SLC6A6: variants seen among roughly 807,000 people sequenced by gnomAD.
The protein encoded by SLC6A6 is sodium- and chloride-dependent taurine transporter.
A neutral mutation model predicts 68.8 loss-of-function variants in SLC6A6; 16 were observed. The ratio of observed to expected loss-of-function variants is 0.23; its 90% confidence interval spans 0.16 to 0.35. SLC6A6 has a LOEUF of 0.35. SLC6A6 is among the 10% of genes least tolerant of loss of function. SLC6A6 has a pLI of 1.00. For synonymous variants in SLC6A6, 312 were observed against 315.4 expected (o/e 0.99, Z 0.12); for missense variants, 474 against 802.8 (o/e 0.59, Z 4.95).
intron 7 of SLC6A6, among the ~76,000 whole-genome samples, chr3:14,467,095 G>A (rs1029686377): frequency 6.6e-6 from 1 of 152,146 alleles, no homozygotes; most frequent in African/African-American, 2.4e-5. Flanking sequence ...GGGTCCACGG[G>A]CAGATACCGA....
rs545712494 is a variant in SLC6A6 at position 14,431,221 on chromosome 3, ATCTGTCATTGCAGTTTGC to A, written c.-11-12396_-11-12379del. On this transcript the variant is annotated intron_variant, in intron 2 of 14. Coordinates refer to ENST00000622186, the MANE Select transcript of SLC6A6 (RefSeq NM_003043.6). ...TTCCCCACTGTCCACATACCCCAGC[ATCTGTCATTGCAGTTTGC>A]TCTGTCGCCCTCGTAGAGGAGCTCT... Among the ~76,000 whole-genome samples the A allele has an allele frequency of 4.9e-4, 75 of 152,314 alleles. 5 individuals carry two copies. In the South Asian group the frequency reaches 0.013, roughly 27 times the overall value.
At chr3:14,438,060 G>A (rs1463477849) in intron 2 of SLC6A6, among the ~76,000 whole-genome samples, 1 of 146,388 alleles carries the variant, frequency 6.8e-6, no homozygotes, top group Non-Finnish European at 1.5e-5. Flanking sequence ...GGCCAGGCTG[G>A]TCTTGAACTC....
intron 1 of SLC6A6, among the ~76,000 whole-genome samples, chr3:14,403,504 G>A (rs549230301): frequency 3.9e-5 from 6 of 152,234 alleles, no homozygotes; most frequent in Admixed American, 6.5e-5. Flanking sequence ...GTGCCTAGAG[G>A]GTCCAATGGC....
intron 6 of SLC6A6, among the ~76,000 whole-genome samples, chr3:14,460,637 G>A (rs183390557): frequency 6.6e-6 from 1 of 152,374 alleles, no homozygotes; most frequent in East Asian, 1.9e-4. Flanking sequence ...CAGGAGAATA[G>A]TGTCAAAGCC....
chr3:14,455,419 C>A (rs1330756197), intron 5 of SLC6A6, among the ~76,000 whole-genome samples: 2 of 152,224 alleles, frequency 1.3e-5, no homozygotes, highest in Admixed American at 1.3e-4. Context: ...TTAAGCTTCT[C>A]AGCCAGCTTG....
chr3:14,429,794 C>G (rs1357245295), intron 2 of SLC6A6, among the ~76,000 whole-genome samples: 1 of 152,158 alleles, frequency 6.6e-6, no homozygotes, highest in Admixed American at 6.5e-5. Context: ...TCCACTAGTC[C>G]CTCCTAAGAT....
chr3:14,473,801 A>G (rs1700808575), intron 10 of SLC6A6, among the ~76,000 whole-genome samples: 2 of 152,250 alleles, frequency 1.3e-5, no homozygotes, highest in Admixed American at 1.3e-4. Flanking sequence ...TGGCTTTTAT[A>G]ACTTCTTCCA....
rs1700900444 is a variant in SLC6A6, at chr3:14,477,272, A to G, written c.1277A>G (p.Tyr426Cys). ...TACCCATCCTTCCTAAGGAAGGGTTATCGTCGGGAAATCTTCATCGCCTTC... is the reference window on the plus strand; with the variant it reads ...TACCCATCCTTCCTAAGGAAGGGTTGTCGTCGGGAAATCTTCATCGCCTTC... ...DLYPSFLRKG[Y>C]RREIFIAFVC... is the part of the protein sequence containing the mutation. The change falls in exon 11 of 15, where the codon TAT becomes TGT. Residue 426 changes from tyrosine to cysteine, a missense_variant. Physicochemically the swap from Tyr to Cys is radical, Grantham distance 194. Around this residue, in one of 2 missense-constraint regions of SLC6A6, gnomAD observed 194 missense variants for 269.8 expected, o/e 0.72. Transcript: ENST00000622186. This position sits in a 1 kb window ranked among gnomAD's most constrained non-coding sequence, Gnocchi z 4.2. The G allele has an allele frequency of 6.2e-7, 1 of 1,613,658 alleles. No individual in the cohort carries two copies. The highest frequency in any genetic ancestry group is 1.3e-5 in the African/African-American group (1 of 74,932).
In SLC6A6 at chr3:14,449,086, G is replaced by A. The variant is rs114339990; in HGVS notation, c.599+1270G>A. Among the ~76,000 whole-genome samples, 1,512 of 152,354 alleles carry A rather than the reference G, an allele frequency of 9.9e-3. 25 individuals are homozygous for A. Among genetic ancestry groups the A allele is most frequent in the African/African-American group, 0.034 (1,434 of 41,588 alleles). On this transcript the variant is annotated intron_variant, in intron 5 of 14. Coordinates refer to ENST00000622186, the MANE Select transcript of SLC6A6 (RefSeq NM_003043.6). ...ACCCACCTCTTAGGAGCTGGCCCAG[G>A]AATGGGCCAGAGAAGAGGGAGCGGC... is the stretch of plus-strand genomic sequence containing the variant.
intron 4 of SLC6A6, 93 bp from the exon 5 acceptor site, chr3:14,447,489 C>T: frequency 3.3e-6 from 5 of 1,535,642 alleles, no homozygotes; most frequent in Non-Finnish European, 4.4e-6. Flanking sequence ...TGGCCTGGGG[C>T]CTGGGGATAC....
chr3:14,484,874 A>C lies in SLC6A6; in HGVS notation c.1730A>C (p.Lys577Thr), dbSNP rs769402505. Reference protein sequence around the residue: ...QTEGPFLVRVKYLLTPREPNR... With the variant: ...QTEGPFLVRVTYLLTPREPNR... The stretch of plus-strand genomic sequence containing the variant: ...CCTGTCATCCTTCTCCAGAGAGTCA[A>C]GTACCTGCTGACCCCAAGGGAACCC... The change falls in exon 15 of 15, where the codon AAG (lysine) becomes ACG (threonine). Residue 577 changes from lysine (K) to threonine (T), a missense_variant. Lys to Thr is a moderately conservative substitution (Grantham distance 78). Coordinates refer to ENST00000622186, the MANE Select transcript of SLC6A6 (RefSeq NM_003043.6). The C allele has an allele frequency of 2.5e-6, 4 of 1,611,868 alleles. No individual in the cohort carries two copies. In the African/African-American group the frequency reaches 5.3e-5, roughly 22 times the overall value.
chr3:14,407,594 C>G (rs1699139521), intron 1 of SLC6A6, among the ~76,000 whole-genome samples: 1 of 151,510 alleles, frequency 6.6e-6, no homozygotes, highest in Non-Finnish European at 1.5e-5. Context: ...GCCTCGACCT[C>G]CCCAGTCTCA....
intron 2 of SLC6A6, among the ~76,000 whole-genome samples, chr3:14,441,344 A>G (rs920117977): frequency 1.3e-5 from 2 of 151,614 alleles, no homozygotes; most frequent in Admixed American, 1.3e-4. Flanking sequence ...CCTGATAACC[A>G]TCGGGGGGCT....
intron 7 of SLC6A6, among the ~76,000 whole-genome samples, chr3:14,467,178 G>C (rs948669573): frequency 4.6e-5 from 7 of 152,212 alleles, no homozygotes; most frequent in African/African-American, 1.7e-4. Context: ...TTCTGGGTTT[G>C]TTTGAGGACC....
chr3:14,476,168 A>C (rs1700874279), intron 10 of SLC6A6, among the ~76,000 whole-genome samples: 2 of 152,172 alleles, frequency 1.3e-5, no homozygotes, highest in Admixed American at 1.3e-4. Flanking sequence ...TCCAAATTTA[A>C]AGTGCTGCTG....
intron 2 of SLC6A6, among the ~76,000 whole-genome samples, chr3:14,438,465 G>A (rs1346298761): frequency 2.0e-5 from 3 of 152,208 alleles, no homozygotes; most frequent in African/African-American, 7.2e-5. Context: ...TGCCTGCTGT[G>A]GAAAGGGCGG....
intron 2 of SLC6A6, among the ~76,000 whole-genome samples, chr3:14,432,066 CTG>C (rs1378123947): frequency 6.6e-6 from 1 of 152,164 alleles, no homozygotes; most frequent in Non-Finnish European, 1.5e-5. Context: ...AGAGTTGGGG[CTG>C]GCCCGGCTCC....
chr3:14,437,914 G>A (rs571230669), intron 2 of SLC6A6, among the ~76,000 whole-genome samples: 3 of 151,660 alleles, frequency 2.0e-5, no homozygotes, highest in South Asian at 2.1e-4. Flanking sequence ...TGCAGTGTCC[G>A]CCTCCCGGAT....
At position 14,477,184 on chromosome 3, in the gene SLC6A6, T is replaced by A; in HGVS notation, c.1210-21T>A. On this transcript the variant is annotated intron_variant, in intron 10 of 14. Transcript: ENST00000622186. The surrounding 1 kb of genome is among the most constrained non-coding windows in gnomAD (Gnocchi z 4.2). ...GCCTGAGCGTCAGCCGCTCACCAGC[T>A]CTCTCTCTTCCCCTCCTCAGTTTGT... 6.2e-7 allele frequency: 1 copy of A among 1,603,550 alleles called. No individual in the cohort carries two copies. The highest frequency in any genetic ancestry group is 8.5e-7 in the Non-Finnish European group (1 of 1,172,446).
Sources: gnomAD v4.1 joint callset for allele counts (sites outside exome capture counted in the v4.1 genomes callset) on GRCh38, gnomAD v4.1.1 for gene constraint, gnomAD v4.1.1 regional missense constraint, Gnocchi (gnomAD v3.1) non-coding constraint, MANE v1.5 for transcripts, NCBI Gene and HGNC (gene_info 2026-07-23, HGNC 2026-07-21) for gene names.